The following KIF13B variants were observed in gnomAD, a reference collection of about 807,000 sequenced individuals.
KIF13B encodes the protein kinesin family member 13B.
In KIF13B, 127 loss-of-function variants were observed where a neutral mutation model predicts 222.0. That is an observed-to-expected ratio of 0.57 (90% CI 0.50 to 0.66). The LOEUF (loss-of-function observed/expected upper bound fraction) is 0.66, where lower values mean the gene tolerates loss of function less well. KIF13B is among the 30% of genes least tolerant of loss of function. KIF13B has a pLI of 0.00. For missense variants in KIF13B, 2,173 were observed against 2,379.0 expected (o/e 0.91, Z 1.80); for synonymous variants, 976 against 919.0 (o/e 1.06, Z -1.12).
chr8:29,152,401 G>A (rs1811336813), intron 14 of KIF13B, among the ~76,000 whole-genome samples: 2 of 152,162 alleles, frequency 1.3e-5, no homozygotes, highest in African/African-American at 2.4e-5. Flanking sequence ...ACAGGCTACA[G>A]AGAAATCGTT....
intron 14 of KIF13B, among the ~76,000 whole-genome samples, chr8:29,153,947 G>A (rs1337597290): frequency 6.6e-6 from 1 of 152,210 alleles, no homozygotes; most frequent in Non-Finnish European, 1.5e-5. Context: ...TGATTTATGT[G>A]TATGCATACA....
chr8:29,109,311 C>T, intron 34 of KIF13B, 123 bp downstream of exon 34: 1 of 749,948 alleles, frequency 1.3e-6, no homozygotes, highest in Non-Finnish European at 2.3e-6. Flanking sequence ...GGGGCCCTGA[C>T]ATCAGTCCTG....
chr8:29,075,409 C>T, intron 37 of KIF13B, 66 bp from the exon 38 acceptor site: 2 of 1,432,298 alleles, frequency 1.4e-6, no homozygotes, highest in Non-Finnish European at 1.9e-6. Context: ...AAGGTTTCCG[C>T]TGCACAGGCT....
intron 3 of KIF13B, among the ~76,000 whole-genome samples, chr8:29,193,647 T>C (rs1813288045): frequency 6.6e-6 from 1 of 152,194 alleles, no homozygotes; most frequent in Non-Finnish European, 1.5e-5. Context: ...TTCCAGGACC[T>C]CCCATGAATA....
intron 35 of KIF13B, among the ~76,000 whole-genome samples, chr8:29,101,660 C>G (rs764772914): frequency 2.0e-5 from 3 of 152,186 alleles, no homozygotes; most frequent in Non-Finnish European, 4.4e-5. Flanking sequence ...GCGTGACAAA[C>G]AGAGACACGG....
chr8:29,125,401 T>C (rs989653262), intron 26 of KIF13B, among the ~76,000 whole-genome samples: 4 of 152,194 alleles, frequency 2.6e-5, no homozygotes, highest in Admixed American at 2.0e-4. Flanking sequence ...CCTATGACAT[T>C]GTTGTGGACA....
At chr8:29,129,908 T>C (rs1034147325) in intron 24 of KIF13B, among the ~76,000 whole-genome samples, 2 of 152,198 alleles carry the variant, frequency 1.3e-5, no homozygotes, top group Non-Finnish European at 2.9e-5. Flanking sequence ...CATGTCTACA[T>C]AACAGGCGAA....
At chr8:29,122,538 T>C (rs370188963) in intron 29 of KIF13B, 53 bp downstream of exon 29, 32 of 1,434,326 alleles carry the variant, frequency 2.2e-5, no homozygotes, top group African/African-American at 7.0e-5. Flanking sequence ...CTACATGTTA[T>C]GTAGGCACTA....
At chr8:29,163,952 C>G (rs1811886725) in intron 12 of KIF13B, among the ~76,000 whole-genome samples, 1 of 152,108 alleles carries the variant, frequency 6.6e-6, no homozygotes. Flanking sequence ...ATAAAAAACA[C>G]AGGGAGATAT....
At chr8:29,230,302 C>T (rs531207061) in intron 2 of KIF13B, among the ~76,000 whole-genome samples, 1 of 152,336 alleles carries the variant, frequency 6.6e-6, no homozygotes, top group African/African-American at 2.4e-5. Flanking sequence ...AATCATTAAA[C>T]TCCCTCGCAG....
chr8:29,196,253 A>G, intron 2 of KIF13B, 54 bp from the exon 3 acceptor site: 2 of 1,497,424 alleles, frequency 1.3e-6, no homozygotes, highest in Non-Finnish European at 1.8e-6. Context: ...TTAAAAAAAA[A>G]AAAAAAATTT....
At chr8:29,104,050 A>C (rs184649247) in intron 35 of KIF13B, among the ~76,000 whole-genome samples, 4 of 149,196 alleles carry the variant, frequency 2.7e-5, no homozygotes, top group African/African-American at 9.9e-5. Context: ...TTCCTAAAAC[A>C]CTCCTCCCCT....
At chr8:29,159,104 A>G (rs1811658507) in intron 13 of KIF13B, among the ~76,000 whole-genome samples, 1 of 152,138 alleles carries the variant, frequency 6.6e-6, no homozygotes, top group African/African-American at 2.4e-5. Flanking sequence ...CTGACATCCT[A>G]ACTCAGAATG....
chr8:29,157,142 T>A lies in KIF13B; in HGVS notation c.1405-1286A>T, dbSNP rs1169418921. On this transcript the variant is annotated intron_variant, in intron 13 of 39. Coordinates refer to ENST00000524189, the MANE Select transcript of KIF13B (RefSeq NM_015254.4). Reference sequence around the variant, plus strand: ...TGTGATCCCCACCTCCATGACTACATCCTAGATTCAGCCTCCAGGATCTCT... The same window carrying A: ...TGTGATCCCCACCTCCATGACTACAACCTAGATTCAGCCTCCAGGATCTCT... Among the ~76,000 whole-genome samples the A allele has an allele frequency of 1.8e-4, 28 of 151,944 alleles. 1 individual carries two copies. Among genetic ancestry groups the A allele is most frequent in the Admixed American group, 1.8e-3 (28 of 15,238 alleles).
rs763045827 is a variant in KIF13B, at chr8:29,123,417, G to A, written c.3428C>T (p.Ala1143Val). The stretch of plus-strand genomic sequence containing the variant: ...ACTGCCAGCAGAGGGGACCATCACC[G>A]CGTTCCTCTCCTCAGTTAGGGTCAA... ...MRLTLTEERN[A>V]VMVPSAGSGI... is the part of the protein sequence containing the mutation. The change falls in exon 28 of 40, where the codon GCG (alanine) becomes GTG (valine). Residue 1143 changes from alanine to valine, a missense_variant. Physicochemically the swap from Ala to Val is moderately conservative, Grantham distance 64. Coordinates refer to ENST00000524189, the MANE Select transcript of KIF13B (RefSeq NM_015254.4). The A allele has an allele frequency of 1.7e-5, 28 of 1,613,904 alleles. No individual in the cohort carries two copies. Among genetic ancestry groups the A allele is most frequent in the Admixed American group, 3.3e-5 (2 of 60,008 alleles).
chr8:29,135,821 G>A (rs111804673), intron 21 of KIF13B, among the ~76,000 whole-genome samples: 2,725 of 152,232 alleles, frequency 0.018, 57 homozygotes, highest in African/African-American at 0.048. Flanking sequence ...GCTTCAACCC[G>A]GGAGGCGGAG....
chr8:29,224,698 C>CTA (rs1486777395), intron 2 of KIF13B, among the ~76,000 whole-genome samples: 1 of 151,312 alleles, frequency 6.6e-6, no homozygotes, highest in Non-Finnish European at 1.5e-5. Flanking sequence ...TTAAGAATCC[C>CTA]TATTCTAGAG....
Position 29,142,149 on chromosome 8 carries a change from T to C in KIF13B, c.2334+8A>G. On this transcript the variant is annotated splice_region_variant and intron_variant, in intron 19 of 39. Coordinates refer to ENST00000524189, the MANE Select transcript of KIF13B (RefSeq NM_015254.4). ...ACCAATTAAGTGATTTTCTCTTAAA[T>C]AACTTACTGGGTTATCTTCTTCACA... is the stretch of plus-strand genomic sequence containing the variant. 2 of 1,610,158 alleles carry C rather than the reference T, an allele frequency of 1.2e-6. No individual in the cohort carries two copies. Among genetic ancestry groups the C allele is most frequent in the Non-Finnish European group, 1.7e-6 (2 of 1,177,146 alleles).
chr8:29,155,324 A>G (rs1169150142), intron 14 of KIF13B, among the ~76,000 whole-genome samples: 1 of 152,212 alleles, frequency 6.6e-6, no homozygotes, highest in Non-Finnish European at 1.5e-5. Context: ...ACAGGAGAAC[A>G]TGGCAGCACT....
Sources: allele counts gnomAD v4.1 joint callset (sites outside exome capture counted in the v4.1 genomes callset), GRCh38; gene constraint gnomAD v4.1.1; transcripts MANE v1.5; gene names NCBI Gene and HGNC (gene_info 2026-07-23, HGNC 2026-07-21).